The following RASL10B variants were observed in gnomAD, a reference collection of about 807,000 sequenced individuals.
RASL10B encodes RAS like family 10 member B.
RASL10B carries 10 observed loss-of-function variants against 20.7 expected under a neutral mutation model. The ratio of observed to expected loss-of-function variants is 0.48; its 90% CI spans 0.30 to 0.82. The LOEUF (loss-of-function observed/expected upper bound fraction) is 0.82. Among genes scored for constraint, RASL10B ranks in the 40% least tolerant of loss-of-function variants. RASL10B has a pLI of 0.07. For missense variants in RASL10B, 231 were observed against 295.4 expected (o/e 0.78, Z 1.60); for synonymous variants, 110 against 123.3 (o/e 0.89, Z 0.72).
chr17:35,738,604 C>T (rs2085609576), intron 2 of RASL10B, among the ~76,000 whole-genome samples: 1 of 152,182 alleles, frequency 6.6e-6, no homozygotes, highest in South Asian at 2.1e-4. Flanking sequence ...TGAAACTGGA[C>T]TCCCTTTCTA....
At chr17:35,734,032 C>T (rs990527380) in intron 1 of RASL10B, among the ~76,000 whole-genome samples, 38 of 152,218 alleles carry the variant, frequency 2.5e-4, no homozygotes, top group Admixed American at 2.4e-3. Context: ...CGGTGACTCA[C>T]GCCTGTAATC....
rs2085580926 is a variant in RASL10B at position 35,735,009 on chromosome 17, T to G, written c.-147-29T>G. 2 of 640,216 alleles carry G rather than the reference T, an allele frequency of 3.1e-6. No homozygotes were observed. The highest frequency in any genetic ancestry group is 3.6e-5 in the African/African-American group (2 of 55,244). The allele number at this position is 640,216 out of a possible 1,614,324, so 39.7% of individuals were successfully genotyped here. On this transcript the variant is annotated intron_variant, in intron 1 of 3. Transcript: ENST00000603017. The surrounding 1 kb of genome is among the most constrained non-coding windows in gnomAD (Gnocchi z 6.7). ...CAGGACACGTCCAGGGATAAGCCAG[T>G]GCACTAAGCCCACCTCTTGTCCCCA...
Position 35,735,266 on chromosome 17 carries a change from G to C in RASL10B, c.82G>C (p.Glu28Gln), listed in dbSNP as rs2085583553. ...CATCGTGCGCCAGTTCTTGTACAAC[G>C]AGTTCAGCGAGGTCTGCGTCCCCAC... is the stretch of plus-strand genomic sequence containing the variant. ...SAIVRQFLYN[E>Q]FSEVCVPTTA... is the part of the protein sequence containing the mutation. Residue 28 changes from glutamate to glutamine, a missense_variant, in exon 2 of 4, where the codon GAG becomes CAG. By Grantham distance (29) the Glu-to-Gln change is conservative. Coordinates refer to ENST00000603017, the MANE Select transcript of RASL10B (RefSeq NM_033315.4). This position sits in a 1 kb window ranked among gnomAD's most constrained non-coding sequence, Gnocchi z 6.7. 1 of 1,613,712 alleles carries C rather than the reference G, an allele frequency of 6.2e-7. No homozygotes were observed. Among genetic ancestry groups the C allele is most frequent in the Admixed American group, 1.7e-5 (1 of 60,014 alleles).
At chr17:35,740,921 C>T (rs2143020440) in intron 3 of RASL10B, 114 bp from the exon 4 acceptor site, 7 of 838,592 alleles carry the variant, frequency 8.3e-6, no homozygotes, top group East Asian at 5.3e-5. Context: ...CTTAGGGCTG[C>T]GCCTGGAGCA....
chr17:35,741,367 G>C lies in RASL10B; in HGVS notation c.*62G>C. The C allele has an allele frequency of 7.3e-7, 1 of 1,369,554 alleles. No individual in the cohort carries two copies. Among genetic ancestry groups the C allele is most frequent in the Non-Finnish European group, 9.4e-7 (1 of 1,067,362 alleles). 84.8% of individuals were successfully genotyped at this position (1,369,554 alleles called of 1,614,324 possible). Reference sequence around the variant, plus strand: ...GAGCGGAGGGCGGGGCCGTACTGCGGGGCTGGGGCGGGGAGCGGGCGGGAA... The same window carrying C: ...GAGCGGAGGGCGGGGCCGTACTGCGCGGCTGGGGCGGGGAGCGGGCGGGAA... On this transcript the variant is annotated 3_prime_UTR_variant, in exon 4 of 4. Transcript: ENST00000603017.
chr17:35,737,286 T>C (rs932010504), intron 2 of RASL10B, among the ~76,000 whole-genome samples: 1 of 152,192 alleles, frequency 6.6e-6, no homozygotes, highest in African/African-American at 2.4e-5. Flanking sequence ...GGATTACAAG[T>C]GTGAGCCACT....
rs782223157 is a variant in RASL10B at position 35,740,489 on chromosome 17, C to T, written c.297C>T (p.Ser99=). The part of the protein sequence containing the change: ...ILVYDICCFD[S]FEYVKTIRQQ... Reference sequence around the variant, plus strand: ...TCTACGACATCTGCTGCTTTGACAGCTTTGAGTACGTCAAGACCATCCGCC... The same window carrying T: ...TCTACGACATCTGCTGCTTTGACAGTTTTGAGTACGTCAAGACCATCCGCC... Residue 99 remains serine (S), a synonymous_variant, in exon 3 of 4, where the codon AGC becomes AGT. Transcript: ENST00000603017. The T allele has an allele frequency of 1.9e-6, 3 of 1,614,052 alleles. No individual in the cohort carries two copies. The highest frequency in any genetic ancestry group is 4.5e-5 in the East Asian group (2 of 44,888).
Position 35,732,370 on chromosome 17 carries a change from G to A in RASL10B, c.-148+492G>A, listed in dbSNP as rs372007003. ...CTCTCTTTCCGGGCAGTCTCTTGCC[G>A]GGCGCTGTCTGCAGACTCACTGCAG... On this transcript the variant is annotated intron_variant, in intron 1 of 3. Coordinates refer to ENST00000603017, the MANE Select transcript of RASL10B (RefSeq NM_033315.4). Among the ~76,000 whole-genome samples, 423 of 152,330 alleles carry A rather than the reference G, an allele frequency of 2.8e-3. 1 individual carries two copies. The highest frequency in any genetic ancestry group is 9.8e-3 in the African/African-American group (407 of 41,578).
At chr17:35,740,334 C>G in intron 2 of RASL10B, 75 bp from the exon 3 acceptor site, 1 of 1,565,078 alleles carries the variant, frequency 6.4e-7, no homozygotes, top group African/African-American at 1.3e-5. Flanking sequence ...CACTGCCCCT[C>G]TGATGGGAGG....
rs782379852 is a variant in RASL10B at position 35,735,379 on chromosome 17, C to T, written c.195C>T (p.Ala65=). Residue 65 remains alanine (A), a synonymous_variant, in exon 2 of 4, where the codon GCC becomes GCT. Coordinates refer to ENST00000603017, the MANE Select transcript of RASL10B (RefSeq NM_033315.4). The surrounding 1 kb of genome is among the most constrained non-coding windows in gnomAD (Gnocchi z 6.7). ...LQILDFPPIS[A]FPVNTLQEWA... is the part of the protein sequence containing the mutation. ...TCCTCGACTTTCCACCCATCAGCGCCTTCCCTGTCAATACGCTCCAGGTAG... is the reference window on the plus strand; with the variant it reads ...TCCTCGACTTTCCACCCATCAGCGCTTTCCCTGTCAATACGCTCCAGGTAG... 2.5e-6 allele frequency: 4 copies of T among 1,614,194 alleles called. No homozygotes were observed. Among genetic ancestry groups the T allele is most frequent in the South Asian group, 1.1e-5 (1 of 91,084 alleles).
At position 35,741,599 on chromosome 17, in the gene RASL10B, G is replaced by A; in HGVS notation, c.*294G>A. ...ACAGCCTTTTGGGATGGGGGTGAGCGTGCAATGGAGGCTGGGGGTGGCGAG... is the reference window on the plus strand; with the variant it reads ...ACAGCCTTTTGGGATGGGGGTGAGCATGCAATGGAGGCTGGGGGTGGCGAG... On this transcript the variant is annotated 3_prime_UTR_variant, in exon 4 of 4. Transcript: ENST00000603017. 2.7e-6 allele frequency: 1 copy of A among 376,524 alleles called. No homozygotes were observed. Among genetic ancestry groups the A allele is most frequent in the Non-Finnish European group, 4.7e-6 (1 of 214,146 alleles). The allele number at this position is 376,524 out of a possible 1,614,324, so 23.3% of individuals were successfully genotyped here. A position where few individuals can be genotyped will look rare whatever the true frequency, so the allele number is the denominator to read the frequency against.
At chr17:35,733,349 C>T (rs1216692257) in intron 1 of RASL10B, among the ~76,000 whole-genome samples, 2 of 152,192 alleles carry the variant, frequency 1.3e-5, no homozygotes, top group Non-Finnish European at 2.9e-5. Flanking sequence ...CACATCATAA[C>T]ACTTAATAAA....
chr17:35,738,917 T>C (rs587755114), intron 2 of RASL10B, among the ~76,000 whole-genome samples: 16 of 152,206 alleles, frequency 1.1e-4, no homozygotes, highest in African/African-American at 3.4e-4. Context: ...TGATCTCCAT[T>C]GGTCTTGGGG....
chr17:35,732,238 A>G (rs2085562794), intron 1 of RASL10B, among the ~76,000 whole-genome samples: 1 of 152,114 alleles, frequency 6.6e-6, no homozygotes, highest in Admixed American at 6.5e-5. Context: ...GGCCCTCGGG[A>G]TCCGCGAAGC....
rs975102568 is a variant in RASL10B at position 35,741,041 on chromosome 17, C to A, written c.348C>A (p.Ile116=). 6.3e-7 allele frequency: 1 copy of A among 1,599,262 alleles called. No individual in the cohort carries two copies. The highest frequency in any genetic ancestry group is 8.5e-7 in the Non-Finnish European group (1 of 1,170,062). Reference sequence around the variant, plus strand: ...TGCCTGCCTCGCCCCACAGGGTGATCGGAACCTCAGAGACGCCCATCATCA... The same window carrying A: ...TGCCTGCCTCGCCCCACAGGGTGATAGGAACCTCAGAGACGCCCATCATCA... ...IRQQILETRV[I]GTSETPIIIV... Residue 116 remains isoleucine, a synonymous_variant, in exon 4 of 4, where the codon ATC becomes ATA. Transcript: ENST00000603017.
rs2085581880 is a variant in RASL10B, at chr17:35,735,131, C to T, written c.-54C>T. ...GCCCCCAGCCCCTGGAATATGCAGC[C>T]CGGGGGAGCCCCAGACAGCGGCAAG... On this transcript the variant is annotated 5_prime_UTR_variant, in exon 2 of 4. Transcript: ENST00000603017. This position sits in a 1 kb window ranked among gnomAD's most constrained non-coding sequence, Gnocchi z 6.7. The T allele has an allele frequency of 1.9e-6, 3 of 1,564,092 alleles. No homozygotes were observed. The highest frequency in any genetic ancestry group is 2.6e-6 in the Non-Finnish European group (3 of 1,150,626).
At position 35,735,519 on chromosome 17, in the gene RASL10B, C is replaced by G. The variant is rs1325755225; in HGVS notation, c.216+119C>G. 2.2e-6 allele frequency: 2 copies of G among 919,622 alleles called. No individual in the cohort carries two copies. Among genetic ancestry groups the G allele is most frequent in the Non-Finnish European group, 3.3e-6 (2 of 599,162 alleles). The allele number at this position is 919,622 out of a possible 1,614,324, so 57.0% of individuals were successfully genotyped here. On this transcript the variant is annotated intron_variant, in intron 2 of 3. Transcript: ENST00000603017. The surrounding 1 kb of genome is among the most constrained non-coding windows in gnomAD (Gnocchi z 6.7). ...AGGGCCCCATCACTGAGTTTGGGAGCTCCACACTGCACCTTGGGCCACTCT... is the reference window on the plus strand; with the variant it reads ...AGGGCCCCATCACTGAGTTTGGGAGGTCCACACTGCACCTTGGGCCACTCT...
At chr17:35,734,973 G>A in intron 1 of RASL10B, 65 bp from the exon 2 acceptor site, 1 of 591,784 alleles carries the variant, frequency 1.7e-6, no homozygotes. Context: ...AGTCCCAAAG[G>A]TGGAAAAGTG....
In RASL10B at chr17:35,741,170, G is replaced by T. The variant is rs374149056; in HGVS notation, c.477G>T (p.Ser159=). The stretch of plus-strand genomic sequence containing the variant: ...GGAAGTGCGGCTACGTGGAATGCTC[G>T]GCCAAGTACAACTGGCACATCCTGC... ...KTWKCGYVEC[S]AKYNWHILLL... Residue 159 remains serine, a synonymous_variant, in exon 4 of 4, where the codon TCG becomes TCT. Coordinates refer to ENST00000603017, the MANE Select transcript of RASL10B (RefSeq NM_033315.4). 1.2e-6 allele frequency: 2 copies of T among 1,613,402 alleles called. No homozygotes were observed. The highest frequency in any genetic ancestry group is 1.3e-5 in the African/African-American group (1 of 75,070).
Sources: gnomAD v4.1 joint callset for allele counts (sites outside exome capture counted in the v4.1 genomes callset) on GRCh38, gnomAD v4.1.1 for gene constraint, Gnocchi (gnomAD v3.1) non-coding constraint, MANE v1.5 for transcripts, NCBI Gene and HGNC (gene_info 2026-07-23, HGNC 2026-07-21) for gene names.